SLC12A6: variants seen among roughly 807,000 people sequenced by gnomAD.
SLC12A6 encodes K-Cl cotransporter 3.
A neutral mutation model predicts 135.3 loss-of-function variants in SLC12A6; 66 were observed. That is an observed-to-expected ratio of 0.49 (90% CI 0.40 to 0.60). SLC12A6 has a LOEUF of 0.60. SLC12A6 is among the 20% of genes least tolerant of loss of function. The pLI, the probability that SLC12A6 is intolerant of heterozygous loss-of-function variation, is 0.00. For synonymous variants in SLC12A6, 513 were observed against 508.8 expected, an observed-to-expected ratio of 1.01 and a Z score of -0.11; for missense variants, 1,058 against 1,452.3, an observed-to-expected ratio of 0.73 and a Z score of 4.41.
chr15:34,294,481 T>A (rs1166949301), intron 2 of SLC12A6, among the ~76,000 whole-genome samples: 1 of 152,192 alleles, frequency 6.6e-6, no homozygotes, highest in African/African-American at 2.4e-5. Flanking sequence ...GATCTCGAAC[T>A]CTTGACCGCG....
rs112194787 is a variant in SLC12A6, at chr15:34,242,927, G to A, written c.2043-706C>T. 5.2e-3 allele frequency among the ~76,000 whole-genome samples: 785 copies of A among 152,252 alleles called. 12 individuals carry two copies. Among genetic ancestry groups the A allele is most frequent in the African/African-American group, 0.018 (759 of 41,572 alleles). ...CGCCTGTAGTCCCAGCTACTCGGGA[G>A]GCTGAGGCAGGAGAATGGTGTGAAC... On this transcript the variant is annotated intron_variant, in intron 16 of 25. Transcript: ENST00000354181.
chr15:34,333,315 C>T (rs1418517387), intron 2 of SLC12A6, among the ~76,000 whole-genome samples: 4 of 151,434 alleles, frequency 2.6e-5, no homozygotes, highest in Middle Eastern at 3.2e-3. Context: ...CTGCAACCTC[C>T]GCCTCCTGGA....
intron 2 of SLC12A6, among the ~76,000 whole-genome samples, chr15:34,301,357 A>G (rs1214615157): frequency 6.6e-6 from 1 of 152,218 alleles, no homozygotes. Flanking sequence ...AAAGAAACAA[A>G]GTCCTCATCA....
intron 2 of SLC12A6, among the ~76,000 whole-genome samples, chr15:34,296,615 T>C (rs974458770): frequency 1.3e-5 from 2 of 152,184 alleles, no homozygotes; most frequent in African/African-American, 4.8e-5. Flanking sequence ...TAATTACAAA[T>C]AGTCAGAGTA....
In SLC12A6 at chr15:34,229,856, G is replaced by C. The variant is rs1271917223; in HGVS notation, c.*4025C>G. ...TTTACATCCTTCTTTAAGCCCAGTGGCTCCTCAGCATACTCTTAAACTAAT... is the reference window on the plus strand; with the variant it reads ...TTTACATCCTTCTTTAAGCCCAGTGCCTCCTCAGCATACTCTTAAACTAAT... On this transcript the variant is annotated 3_prime_UTR_variant, in exon 26 of 26. Transcript: ENST00000354181. The C allele has an allele frequency of 1.4e-6, 2 of 1,479,462 alleles. No individual in the cohort carries two copies. The highest frequency in any genetic ancestry group is 2.8e-5 in the African/African-American group (2 of 72,252). The allele number at this position is 1,479,462 out of a possible 1,614,324, so 91.6% of individuals were successfully genotyped here.
chr15:34,279,131 G>A (rs1393944530), intron 2 of SLC12A6, among the ~76,000 whole-genome samples: 1 of 151,436 alleles, frequency 6.6e-6, no homozygotes. Flanking sequence ...CCTGGCTAAC[G>A]TGGTGAAACC....
In SLC12A6 at chr15:34,233,793, G is replaced by A; in HGVS notation, c.*88C>T. ...GTGTACAGAACACAGGCTTCTAGTT[G>A]AGTGGGAGTGGTAGTAATGAGCTGG... On this transcript the variant is annotated 3_prime_UTR_variant, in exon 26 of 26. Coordinates refer to ENST00000354181, the MANE Select transcript of SLC12A6 (RefSeq NM_001365088.1). The A allele has an allele frequency of 1.3e-6, 1 of 765,702 alleles. No homozygotes were observed. The highest frequency in any genetic ancestry group is 2.4e-6 in the Non-Finnish European group (1 of 415,280). The allele number at this position is 765,702 out of a possible 1,614,324, so 47.4% of individuals were successfully genotyped here. A position where few individuals can be genotyped will look rare whatever the true frequency, so the allele number is the denominator to read the frequency against.
At chr15:34,261,841 A>G (rs1031907617) in intron 3 of SLC12A6, among the ~76,000 whole-genome samples, 1 of 152,230 alleles carries the variant, frequency 6.6e-6, no homozygotes. Flanking sequence ...CAATTATTAA[A>G]AAGTCAAAAA....
intron 22 of SLC12A6, 190 bp downstream of exon 22, chr15:34,237,229 C>T: frequency 5.6e-6 from 3 of 534,166 alleles, no homozygotes; most frequent in Non-Finnish European, 1.0e-5. Context: ...CAAAAAATAA[C>T]ATCAAACATG....
chr15:34,254,805 C>A (rs1892638104), intron 8 of SLC12A6, among the ~76,000 whole-genome samples: 2 of 146,968 alleles, frequency 1.4e-5, no homozygotes, highest in African/African-American at 5.0e-5. Context: ...TTCTGAATAA[C>A]TACATTTCCA....
Position 34,250,644 on chromosome 15 carries a change from G to GGTC in SLC12A6, c.1575_1577dup (p.Thr527dup), listed in dbSNP as rs1342378279. On this transcript the variant is annotated inframe_insertion, in exon 12 of 26. Transcript: ENST00000354181. ...TAAAAAGGATACAAACAAAGGAGGT[G>GGTC]GTCAGGATGGCAAGGATAGTACCAA... The GGTC allele has an allele frequency of 6.4e-7, 1 of 1,566,898 alleles. No individual in the cohort carries two copies. The highest frequency in any genetic ancestry group is 8.8e-7 in the Non-Finnish European group (1 of 1,137,212).
intron 9 of SLC12A6, 62 bp downstream of exon 9, chr15:34,254,286 A>C: frequency 6.7e-7 from 1 of 1,492,102 alleles, no homozygotes; most frequent in Non-Finnish European, 9.3e-7. Flanking sequence ...AAATTATCAC[A>C]CCACCAGATA....
chr15:34,331,858 A>T (rs1024033068), intron 2 of SLC12A6, among the ~76,000 whole-genome samples: 6 of 152,108 alleles, frequency 3.9e-5, no homozygotes, highest in African/African-American at 1.4e-4. Flanking sequence ...TTATGTCTCT[A>T]ACATCTCTCA....
Position 34,269,509 on chromosome 15 carries a change from G to A in SLC12A6, c.316+5836C>T, listed in dbSNP as rs565460029. On this transcript the variant is annotated intron_variant, in intron 3 of 25. Transcript: ENST00000354181. ...TTGCTAGTCTGAGTTAGGCAAGAGA[G>A]CAGTAGGTGTACCTAATTTCCCTTG... Among the ~76,000 whole-genome samples the A allele has an allele frequency of 7.9e-5, 12 of 152,322 alleles. No homozygotes were observed. The South Asian group carries it at 2.5e-3, about 32-fold the overall frequency.
intron 2 of SLC12A6, among the ~76,000 whole-genome samples, chr15:34,277,437 C>T (rs1164479282): frequency 6.6e-6 from 1 of 151,976 alleles, no homozygotes; most frequent in African/African-American, 2.4e-5. Flanking sequence ...TCATCTCTCC[C>T]CCAACCCCCC....
rs1001597363 is a variant in SLC12A6, at chr15:34,236,304, G to A, written c.3043-105C>T. 1.2e-5 allele frequency: 10 copies of A among 835,828 alleles called. No homozygotes were observed. In the African/African-American group the frequency reaches 1.7e-4, roughly 14 times the overall value. 51.8% of individuals were successfully genotyped at this position (835,828 alleles called of 1,614,324 possible). A position where few individuals can be genotyped will look rare whatever the true frequency, so the allele number is the denominator to read the frequency against. On this transcript the variant is annotated intron_variant, in intron 23 of 25. Transcript: ENST00000354181. ...GGGTTATAGTGGAATAACTGACAGA[G>A]TGAGAAGGAATTTGTCATCCTTGAA... is the stretch of plus-strand genomic sequence containing the variant.
At chr15:34,250,276 T>G (rs765662403) in intron 13 of SLC12A6, 22 bp downstream of exon 13, 15 of 1,328,492 alleles carry the variant, frequency 1.1e-5, no homozygotes, top group Non-Finnish European at 1.5e-5. Context: ...ACATAATTGT[T>G]ACAAAGAAAT....
intron 3 of SLC12A6, among the ~76,000 whole-genome samples, chr15:34,269,720 CTTTT>C (rs897256076): frequency 6.9e-6 from 1 of 145,946 alleles, no homozygotes; most frequent in African/African-American, 2.5e-5. Flanking sequence ...TTAACATGCT[CTTTT>C]TTTTTTTGTA....
intron 2 of SLC12A6, among the ~76,000 whole-genome samples, chr15:34,326,354 C>T (rs1889456203): frequency 6.6e-6 from 1 of 152,090 alleles, no homozygotes; most frequent in Non-Finnish European, 1.5e-5. Context: ...AAACGGGCTC[C>T]TAGTCAACAC....
Sources: allele counts gnomAD v4.1 joint callset (sites outside exome capture counted in the v4.1 genomes callset), GRCh38; gene constraint gnomAD v4.1.1; transcripts MANE v1.5; gene names NCBI Gene and HGNC (gene_info 2026-07-23, HGNC 2026-07-21).